Variants in JAZF1 observed in about 807,000 individuals in gnomAD.
JAZF1 encodes JAZF zinc finger 1.
A neutral mutation model predicts 26.4 loss-of-function variants in JAZF1; 8 were observed. The ratio of observed to expected loss-of-function variants is 0.30; its 90% CI spans 0.18 to 0.55. JAZF1 has a LOEUF of 0.55. Ranked by LOEUF, JAZF1 falls within the 20% of genes least tolerant of loss-of-function variation. The pLI, the probability that JAZF1 is intolerant of heterozygous loss-of-function variation, is 0.94. For synonymous variants in JAZF1, 126 were observed against 122.3 expected (o/e 1.03, Z -0.20); for missense variants, 199 against 322.0 (o/e 0.62, Z 2.92).
chr7:28,144,807 T>A (rs902425931), intron 1 of JAZF1, among the ~76,000 whole-genome samples: 13 of 152,212 alleles, frequency 8.5e-5, no homozygotes, highest in African/African-American at 2.7e-4. Context: ...GACTCCTAAT[T>A]TTCCGATTTC....
intron 2 of JAZF1, among the ~76,000 whole-genome samples, chr7:27,918,406 A>G (rs1784477849): frequency 6.6e-6 from 1 of 152,214 alleles, no homozygotes; most frequent in South Asian, 2.1e-4. Context: ...GAGGTTTAGC[A>G]CTTATTTTAT....
intron 3 of JAZF1, among the ~76,000 whole-genome samples, chr7:27,889,181 T>A (rs985694715): frequency 2.6e-5 from 4 of 152,150 alleles, no homozygotes; most frequent in Non-Finnish European, 5.9e-5. Context: ...ACCCACCAGC[T>A]GAATCAGAGT....
chr7:28,166,357 T>A (rs1455611446), intron 1 of JAZF1, among the ~76,000 whole-genome samples: 1 of 152,246 alleles, frequency 6.6e-6, no homozygotes, highest in African/African-American at 2.4e-5. Flanking sequence ...GGGGTTTTCC[T>A]GAGAAGCTTC....
chr7:27,970,011 C>G (rs1307647560), intron 2 of JAZF1, among the ~76,000 whole-genome samples: 3 of 151,660 alleles, frequency 2.0e-5, no homozygotes, highest in Non-Finnish European at 2.9e-5. Context: ...CTGAATTTCT[C>G]TGATCCTTAT....
intron 1 of JAZF1, among the ~76,000 whole-genome samples, chr7:28,014,481 T>C (rs1422295591): frequency 1.3e-5 from 2 of 152,216 alleles, no homozygotes; most frequent in African/African-American, 4.8e-5. Context: ...CATGCTGTTG[T>C]TGTGACAGTG....
intron 2 of JAZF1, among the ~76,000 whole-genome samples, chr7:27,980,277 C>T (rs1443407097): frequency 6.6e-6 from 1 of 152,164 alleles, no homozygotes; most frequent in Non-Finnish European, 1.5e-5. Context: ...TTTCCAGAGG[C>T]TGTACGACAC....
chr7:27,998,067 A>AGGCAGGCAGGCAGGCAGGC (rs1554280805), intron 1 of JAZF1, among the ~76,000 whole-genome samples: 2 of 72,800 alleles, frequency 2.7e-5, no homozygotes, highest in Non-Finnish European at 6.2e-5. Flanking sequence ...GGAAGGAAGG[A>AGGCAGGCAGGCAGGCAGGC]AGGAAGGCAG....
intron 1 of JAZF1, among the ~76,000 whole-genome samples, chr7:28,068,062 C>T (rs1048105941): frequency 6.6e-6 from 1 of 151,978 alleles, no homozygotes. Flanking sequence ...TACAGGTGCA[C>T]ACCAACACGC....
At chr7:27,998,042 G>A (rs1372398975) in intron 1 of JAZF1, among the ~76,000 whole-genome samples, 5 of 133,972 alleles carry the variant, frequency 3.7e-5, no homozygotes, top group African/African-American at 1.5e-4. Context: ...AGGAAGGAAG[G>A]AAGGAAGGAA....
At chr7:27,982,320 G>C (rs1785602635) in intron 2 of JAZF1, among the ~76,000 whole-genome samples, 1 of 152,268 alleles carries the variant, frequency 6.6e-6, no homozygotes, top group Non-Finnish European at 1.5e-5. Flanking sequence ...GCATGGCTCA[G>C]AGGGTCCCAC....
In JAZF1 at chr7:28,005,004, T is replaced by C. The variant is rs373806161; in HGVS notation, c.116-13023A>G. ...GGACTCAGGTTTATTTCCACCCCTT[T>C]CACTTTCTATACAGAAAGTATTAAG... is the stretch of plus-strand genomic sequence containing the variant. On this transcript the variant is annotated intron_variant, in intron 1 of 4. Transcript: ENST00000283928. Among the ~76,000 whole-genome samples, 117 of 152,332 alleles carry C rather than the reference T, an allele frequency of 7.7e-4. No homozygotes were observed. In the Middle Eastern group the frequency reaches 0.014, roughly 18 times the overall value.
chr7:28,039,385 A>G (rs1277855890), intron 1 of JAZF1, among the ~76,000 whole-genome samples: 1 of 152,220 alleles, frequency 6.6e-6, no homozygotes, highest in African/African-American at 2.4e-5. Context: ...GGAAGAAGAA[A>G]AAGTCAGAAA....
chr7:28,044,392 C>T (rs1783457473), intron 1 of JAZF1, among the ~76,000 whole-genome samples: 1 of 152,148 alleles, frequency 6.6e-6, no homozygotes, highest in Non-Finnish European at 1.5e-5. Context: ...ATTTTCTCTG[C>T]TCTAGCATCT....
chr7:28,016,463 C>G (rs1172183176), intron 1 of JAZF1, among the ~76,000 whole-genome samples: 1 of 152,216 alleles, frequency 6.6e-6, no homozygotes, highest in South Asian at 2.1e-4. Context: ...TGTTTTAATG[C>G]CAACACCAAG....
intron 2 of JAZF1, among the ~76,000 whole-genome samples, chr7:27,934,139 T>G (rs760624594): frequency 2.6e-5 from 4 of 152,222 alleles, no homozygotes; most frequent in Non-Finnish European, 4.4e-5. Context: ...GAAGCCAGTA[T>G]GCTCATTTGT....
At chr7:27,917,780 G>A (rs1026179802) in intron 2 of JAZF1, among the ~76,000 whole-genome samples, 1 of 152,190 alleles carries the variant, frequency 6.6e-6, no homozygotes. Flanking sequence ...TGGAAGGTAA[G>A]CTGGAGATTT....
chr7:28,033,940 A>C (rs570186549), intron 1 of JAZF1, among the ~76,000 whole-genome samples: 263 of 152,138 alleles, frequency 1.7e-3, no homozygotes, highest in African/African-American at 6.1e-3. Flanking sequence ...ATGGGGTTTC[A>C]CCACGTTGGC....
intron 2 of JAZF1, among the ~76,000 whole-genome samples, chr7:27,974,241 C>T (rs1003635172): frequency 6.6e-6 from 1 of 152,088 alleles, no homozygotes; most frequent in Non-Finnish European, 1.5e-5. Flanking sequence ...CTAGGGTCCT[C>T]TCCACATCGG....
chr7:27,870,819 T>C (rs1783567633), intron 3 of JAZF1, among the ~76,000 whole-genome samples: 1 of 152,158 alleles, frequency 6.6e-6, no homozygotes, highest in Non-Finnish European at 1.5e-5. Context: ...TGCTTAAAAC[T>C]CATTCTCAGG....
Sources: allele counts gnomAD v4.1 joint callset (sites outside exome capture counted in the v4.1 genomes callset), GRCh38; gene constraint gnomAD v4.1.1; transcripts MANE v1.5; gene names NCBI Gene and HGNC (gene_info 2026-07-23, HGNC 2026-07-21).